Variants in ZNF878 observed in about 807,000 individuals in gnomAD.
ZNF878 encodes the protein zinc finger protein 878.
ZNF878 carries 10 observed loss-of-function variants against 11.1 expected under a neutral mutation model. That is an observed-to-expected ratio of 0.90 (90% CI 0.56 to 1.53). The LOEUF is 1.53. Among genes scored for constraint, ZNF878 ranks in the 40% most tolerant of loss-of-function variants. The pLI, the probability that ZNF878 is intolerant of heterozygous loss-of-function variation, is 0.00. For missense variants in ZNF878, 548 were observed against 626.1 expected, an observed-to-expected ratio of 0.88 and a Z score of 1.33; for synonymous variants, 165 against 209.7, an observed-to-expected ratio of 0.79 and a Z score of 1.84.
intron 1 of ZNF878, 24 bp from the exon 2 acceptor site, chr19:12,046,784 G>A: frequency 6.2e-7 from 1 of 1,613,214 alleles, no homozygotes; most frequent in Non-Finnish European, 8.5e-7. Context: ...CATGTGGACA[G>A]GAGGATGAGT....
At chr19:12,050,072 A>G (rs896350259) in intron 1 of ZNF878, among the ~76,000 whole-genome samples, 5 of 151,976 alleles carry the variant, frequency 3.3e-5, no homozygotes, top group African/African-American at 9.7e-5. Flanking sequence ...TAAAAATACA[A>G]AAATTAGCCA....
At position 12,044,132 on chromosome 19, in the gene ZNF878, A is replaced by G. The variant is rs911897556; in HGVS notation, c.1269T>C (p.Tyr423=). Reference sequence around the variant, plus strand: ...AGACTTTACCACATTGCTTACATCCATAGGGTTTCTCTCCTGTGTGAGTTC... The same window carrying G: ...AGACTTTACCACATTGCTTACATCCGTAGGGTTTCTCTCCTGTGTGAGTTC... ...HIRTHTGEKP[Y]GCKQCGKVFR... is the part of the protein sequence containing the mutation. Residue 423 remains tyrosine (Y), a synonymous_variant, in exon 4 of 4, where the codon TAT becomes TAC. Coordinates refer to ENST00000547628, the MANE Select transcript of ZNF878 (RefSeq NM_001080404.3). The G allele has an allele frequency of 6.8e-6, 11 of 1,613,892 alleles. No individual in the cohort carries two copies. The highest frequency in any genetic ancestry group is 2.2e-5 in the East Asian group (1 of 44,860).
In ZNF878 at chr19:12,044,665, C is replaced by T. The variant is rs1009137761; in HGVS notation, c.736G>A (p.Glu246Lys). 10 of 1,613,880 alleles carry T rather than the reference C, an allele frequency of 6.2e-6. No homozygotes were observed. Among genetic ancestry groups the T allele is most frequent in the African/African-American group, 4.0e-5 (3 of 74,852 alleles). ...CGTTTCTCTCCAGTGTGACTTTTCT[C>T]GTGTCTTTTTAACGAACTGGGAGAA... ...FFSPSSLKRHEKSHTGEKRYK... is the reference protein window; with the variant it reads ...FFSPSSLKRHKKSHTGEKRYK... Residue 246 changes from glutamate to lysine, a missense_variant, in exon 4 of 4, where the codon GAG (glutamate) becomes AAG (lysine). By Grantham distance (56) the Glu-to-Lys change is moderately conservative. Coordinates refer to ENST00000547628, the MANE Select transcript of ZNF878 (RefSeq NM_001080404.3).
At chr19:12,052,513 G>T (rs1214617767) in intron 1 of ZNF878, among the ~76,000 whole-genome samples, 8 of 152,184 alleles carry the variant, frequency 5.3e-5, no homozygotes, top group Non-Finnish European at 1.2e-4. Context: ...CATGGTCACC[G>T]CACAATCTGG....
intron 1 of ZNF878, among the ~76,000 whole-genome samples, chr19:12,051,230 G>T (rs1222617423): frequency 1.3e-5 from 2 of 150,834 alleles, no homozygotes; most frequent in East Asian, 4.0e-4. Flanking sequence ...CCGGGGAGGC[G>T]GAGGTTGCAG....
At position 12,050,314 on chromosome 19, in the gene ZNF878, C is replaced by G. The variant is rs189559635; in HGVS notation, c.3+2485G>C. 1.8e-4 allele frequency among the ~76,000 whole-genome samples: 27 copies of G among 152,264 alleles called. No individual in the cohort carries two copies. The East Asian group carries it at 5.2e-3, about 29-fold the overall frequency. On this transcript the variant is annotated intron_variant, in intron 1 of 3. Coordinates refer to ENST00000547628, the MANE Select transcript of ZNF878 (RefSeq NM_001080404.3). ...TTCACAAGCATACTGAAGCCAAATT[C>G]AAATCCAATTCACATAAATTTCTAA...
chr19:12,049,542 C>T (rs1343351433), intron 1 of ZNF878, among the ~76,000 whole-genome samples: 4 of 141,612 alleles, frequency 2.8e-5, no homozygotes, highest in Non-Finnish European at 6.0e-5. Context: ...GAAGCCAAGG[C>T]GGGTGGAGCA....
Position 12,044,164 on chromosome 19 carries a change from G to A in ZNF878, c.1237C>T (p.His413Tyr). The A allele has an allele frequency of 6.2e-7, 1 of 1,613,932 alleles. No homozygotes were observed. The highest frequency in any genetic ancestry group is 8.5e-7 in the Non-Finnish European group (1 of 1,179,972). ...AFRSASVLQK[H>Y]IRTHTGEKPY... ...TTCTCTCCTGTGTGAGTTCGTATGTGCTTTTGAAGGACTGAGGCAGATCTG... is the reference window on the plus strand; with the variant it reads ...TTCTCTCCTGTGTGAGTTCGTATGTACTTTTGAAGGACTGAGGCAGATCTG... The change falls in exon 4 of 4, where the codon CAC becomes TAC. Residue 413 changes from histidine to tyrosine, a missense_variant. His to Tyr is a moderately conservative substitution (Grantham distance 83). This residue lies in a region of ZNF878 where 335 missense variants were observed against 358.2 expected (regional missense o/e 0.94). Coordinates refer to ENST00000547628, the MANE Select transcript of ZNF878 (RefSeq NM_001080404.3).
In ZNF878 at chr19:12,044,100, A is replaced by C; in HGVS notation, c.1301T>G (p.Val434Gly). Residue 434 changes from valine (V) to glycine (G), a missense_variant, in exon 4 of 4, where the codon GTT becomes GGT. Val to Gly is a moderately radical substitution (Grantham distance 109, BLOSUM62 -3). Around this residue, in one of 3 missense-constraint regions of ZNF878, gnomAD observed 335 missense variants for 358.2 expected, o/e 0.94. Coordinates refer to ENST00000547628, the MANE Select transcript of ZNF878 (RefSeq NM_001080404.3). ...GCKQCGKVFRVASQLKMHERT... is the reference protein window; with the variant it reads ...GCKQCGKVFRGASQLKMHERT... Reference sequence around the variant, plus strand: ...TTCATGCATTTTAAGTTGTGAGGCAACTCTAAAGACTTTACCACATTGCTT... The same window carrying C: ...TTCATGCATTTTAAGTTGTGAGGCACCTCTAAAGACTTTACCACATTGCTT... The C allele has an allele frequency of 1.3e-6, 2 of 1,599,830 alleles. No homozygotes were observed. Among genetic ancestry groups the C allele is most frequent in the Non-Finnish European group, 1.7e-6 (2 of 1,175,350 alleles).
At chr19:12,043,784 T>C (rs1471787341), downstream of ZNF878, 2 of 1,561,424 alleles carry the variant, frequency 1.3e-6, no homozygotes, top group Admixed American at 4.0e-5. Context: ...CTTTACCATA[T>C]TGCTTACATC....
intron 1 of ZNF878, among the ~76,000 whole-genome samples, chr19:12,048,998 C>G (rs1011758053): frequency 6.6e-6 from 1 of 151,354 alleles, no homozygotes; most frequent in African/African-American, 2.4e-5. Flanking sequence ...TAAAAATTAG[C>G]TGGGTGTGGT....
At chr19:12,043,737 C>G (rs1975418105), downstream of ZNF878, 2 of 1,404,028 alleles carry the variant, frequency 1.4e-6, no homozygotes, top group Admixed American at 2.6e-5. Context: ...GCAGTGAATC[C>G]TTCCGTGCAT....
At chr19:12,045,560 T>C (rs1975469223) in intron 3 of ZNF878, among the ~76,000 whole-genome samples, 2 of 151,116 alleles carry the variant, frequency 1.3e-5, no homozygotes, top group South Asian at 2.1e-4. Flanking sequence ...GGCAGGAGAA[T>C]AGTGTGAACC....
Position 12,052,917 on chromosome 19 carries a change from G to C in ZNF878, c.-116C>G. The stretch of plus-strand genomic sequence containing the variant: ...GCGGAAGTAACTGGTCCCTCTCGGA[G>C]CAAGAAAGCCCCAGACCTTAACTAG... On this transcript the variant is annotated 5_prime_UTR_variant, in exon 1 of 4. Coordinates refer to ENST00000547628, the MANE Select transcript of ZNF878 (RefSeq NM_001080404.3). The C allele has an allele frequency of 6.9e-7, 1 of 1,458,756 alleles. No homozygotes were observed. Among genetic ancestry groups the C allele is most frequent in the Non-Finnish European group, 9.2e-7 (1 of 1,082,306 alleles). The allele number at this position is 1,458,756 out of a possible 1,614,324, so 90.4% of individuals were successfully genotyped here. A position where few individuals can be genotyped will look rare whatever the true frequency, so the allele number is the denominator to read the frequency against.
chr19:12,046,735 G>GC lies in ZNF878; in HGVS notation c.28dup (p.Ala10GlyfsTer44). 6.2e-7 allele frequency: 1 copy of GC among 1,614,052 alleles called. No individual in the cohort carries two copies. The highest frequency in any genetic ancestry group is 8.5e-7 in the Non-Finnish European group (1 of 1,179,974). On this transcript the variant is annotated frameshift_variant, in exon 2 of 4. Transcript: ENST00000547628. LOFTEE classifies it high-confidence loss of function. The stretch of plus-strand genomic sequence containing the variant: ...CCACTCCTCCTGGGTGAAGTTCACA[G>GC]CCACATCCTCAAAGGCCACCGAATC...
In ZNF878 at chr19:12,044,432, G is replaced by A; in HGVS notation, c.969C>T (p.Ser323=). 6.2e-7 allele frequency: 1 copy of A among 1,613,516 alleles called. No individual in the cohort carries two copies. The highest frequency in any genetic ancestry group is 8.5e-7 in the Non-Finnish European group (1 of 1,179,848). ...TCTTTTCATGATAGCGAAAGGAAGT[G>A]GAAGAAATAAATCCCTTACCACATA... is the stretch of plus-strand genomic sequence containing the variant. ...CKLCGKGFIS[S]TSFRYHEKTH... is the part of the protein sequence containing the mutation. The change falls in exon 4 of 4, where the codon TCC becomes TCT. Residue 323 remains serine, a synonymous_variant. Coordinates refer to ENST00000547628, the MANE Select transcript of ZNF878 (RefSeq NM_001080404.3).
At chr19:12,050,569 C>T (rs761560918) in intron 1 of ZNF878, among the ~76,000 whole-genome samples, 6 of 152,184 alleles carry the variant, frequency 3.9e-5, no homozygotes, top group Non-Finnish European at 7.3e-5. Context: ...GCAGCGGTAA[C>T]AGAGCCAGCC....
At chr19:12,045,761 T>C (rs887907247) in intron 3 of ZNF878, among the ~76,000 whole-genome samples, 2 of 152,086 alleles carry the variant, frequency 1.3e-5, no homozygotes, top group Admixed American at 1.3e-4. Context: ...CAAGTCTCAC[T>C]CTGTCGTCAG....
chr19:12,049,705 G>A (rs1975532644), intron 1 of ZNF878, among the ~76,000 whole-genome samples: 1 of 151,402 alleles, frequency 6.6e-6, no homozygotes, highest in Non-Finnish European at 1.5e-5. Flanking sequence ...GGGAGGTGGA[G>A]GTTGCAGTGA....
Sources: allele counts gnomAD v4.1 joint callset (sites outside exome capture counted in the v4.1 genomes callset), GRCh38; gene constraint gnomAD v4.1.1; regional missense constraint gnomAD v4.1.1; transcripts MANE v1.5; gene names NCBI Gene and HGNC (gene_info 2026-07-23, HGNC 2026-07-21).